GLG1: variants seen among roughly 807,000 people sequenced by gnomAD.
GLG1 encodes the protein Golgi apparatus protein 1.
In GLG1, 38 loss-of-function variants were observed where a neutral mutation model predicts 160.5. The observed-to-expected ratio is 0.24, with a 90% confidence interval of 0.18 to 0.31. The LOEUF (loss-of-function observed/expected upper bound fraction) is 0.31, where lower values mean the gene tolerates loss of function less well. GLG1 is among the 10% of genes least tolerant of loss of function. GLG1 has a pLI of 1.00. For missense variants in GLG1, 1,373 were observed against 1,505.2 expected, an observed-to-expected ratio of 0.91 and a Z score of 1.45; for synonymous variants, 644 against 543.4, an observed-to-expected ratio of 1.19 and a Z score of -2.57.
intron 11 of GLG1, among the ~76,000 whole-genome samples, chr16:74,479,812 G>A (rs117746051): frequency 4.0e-3 from 606 of 152,280 alleles, no homozygotes; most frequent in Non-Finnish European, 6.6e-3. Flanking sequence ...AAGAGACTGA[G>A]GTATGGAGGT....
chr16:74,511,599 A>AAAAG (rs1227811955), intron 2 of GLG1, among the ~76,000 whole-genome samples: 41 of 146,612 alleles, frequency 2.8e-4, no homozygotes, highest in African/African-American at 7.8e-4. Flanking sequence ...AAAAAAAAAA[A>AAAAG]AAAGAAAGAA....
At chr16:74,592,734 TG>T (rs970045858) in intron 1 of GLG1, among the ~76,000 whole-genome samples, 1 of 152,196 alleles carries the variant, frequency 6.6e-6, no homozygotes, top group Non-Finnish European at 1.5e-5. Context: ...TTTACCACAA[TG>T]CTTTTCCTCT....
intron 8 of GLG1, among the ~76,000 whole-genome samples, chr16:74,488,722 C>A (rs1248854342): frequency 6.6e-6 from 1 of 152,034 alleles, no homozygotes; most frequent in Admixed American, 6.5e-5. Flanking sequence ...CAGGTTCAAG[C>A]GATTCTCCTA....
chr16:74,512,156 A>C (rs191004143), intron 2 of GLG1, among the ~76,000 whole-genome samples: 1,832 of 108,150 alleles, frequency 0.017, 35 homozygotes, highest in Non-Finnish European at 0.02. Context: ...CTGGTCTTTT[A>C]TTTCTTTTTT....
At chr16:74,458,146 T>C (rs1470503968) in intron 23 of GLG1, 152 bp from the exon 24 acceptor site, 10 of 625,168 alleles carry the variant, frequency 1.6e-5, no homozygotes, top group Non-Finnish European at 2.3e-5. Flanking sequence ...GTGGTGATGA[T>C]GTACAGAATG....
chr16:74,496,793 C>T, intron 4 of GLG1, 149 bp from the exon 5 acceptor site: 1 of 608,234 alleles, frequency 1.6e-6, no homozygotes, highest in Non-Finnish European at 2.9e-6. Context: ...AACGTTCTAC[C>T]AAGAAATCAA....
chr16:74,465,960 A>T, intron 18 of GLG1, 147 bp from the exon 19 acceptor site: 1 of 756,984 alleles, frequency 1.3e-6, no homozygotes, highest in South Asian at 1.7e-5. Flanking sequence ...TTCCTTACCA[A>T]AGATAAGGAT....
chr16:74,470,598 G>C lies in GLG1; in HGVS notation c.2230-525C>G, dbSNP rs899854331. ...CGAGTAGCTGGGATTACAGGCACCC[G>C]CCATCACGCCAGGCTAATTTTGTAT... is the stretch of plus-strand genomic sequence containing the variant. On this transcript the variant is annotated intron_variant, in intron 15 of 25. Coordinates refer to ENST00000422840, the MANE Select transcript of GLG1 (RefSeq NM_001145667.2). Among the ~76,000 whole-genome samples, 15 of 151,264 alleles carry C rather than the reference G, an allele frequency of 9.9e-5. 2 individuals carry two copies. The highest frequency in any genetic ancestry group is 1.9e-4 in the East Asian group (1 of 5,138).
rs561651338 is a variant in GLG1, at chr16:74,516,412, T to C, written c.472-7487A>G. ...CAGGATTAAGAAACTCACTCAAACT[T>C]GCTCAACTACATGGAAACTGAACAA... On this transcript the variant is annotated intron_variant, in intron 2 of 25. Transcript: ENST00000422840. Among the ~76,000 whole-genome samples, 10 of 149,202 alleles carry C rather than the reference T, an allele frequency of 6.7e-5. No homozygotes were observed. The East Asian group carries it at 1.9e-3, about 29-fold the overall frequency.
At chr16:74,453,594 C>A (rs140422429) in intron 25 of GLG1, among the ~76,000 whole-genome samples, 2 of 152,228 alleles carry the variant, frequency 1.3e-5, no homozygotes, top group Non-Finnish European at 2.9e-5. Flanking sequence ...ACAGTGATCA[C>A]CACTAACACC....
intron 1 of GLG1, among the ~76,000 whole-genome samples, chr16:74,557,246 ATTTG>A (rs1490061072): frequency 1.3e-5 from 2 of 152,126 alleles, no homozygotes; most frequent in East Asian, 1.9e-4. Context: ...ACTATATATG[ATTTG>A]TTTGACTTTT....
chr16:74,526,128 A>G (rs991608915), intron 2 of GLG1, among the ~76,000 whole-genome samples: 1 of 152,270 alleles, frequency 6.6e-6, no homozygotes, highest in African/African-American at 2.4e-5. Flanking sequence ...TATATAAGTA[A>G]CAAACAGTTT....
intron 25 of GLG1, among the ~76,000 whole-genome samples, chr16:74,454,922 G>A (rs2014474492): frequency 1.3e-5 from 2 of 151,510 alleles, no homozygotes; most frequent in Admixed American, 6.6e-5. Flanking sequence ...GGACAACATA[G>A]CCAAGACCTT....
chr16:74,465,480 C>G (rs535368364), intron 19 of GLG1, among the ~76,000 whole-genome samples, 196 bp downstream of exon 19: 1 of 152,172 alleles, frequency 6.6e-6, no homozygotes, highest in Non-Finnish European at 1.5e-5. Context: ...AGACTTCGTG[C>G]TCTACTCCCA....
rs771227537 is a variant in GLG1, at chr16:74,452,016, G to A, written c.*1151C>T. On this transcript the variant is annotated 3_prime_UTR_variant, in exon 26 of 26. Coordinates refer to ENST00000422840, the MANE Select transcript of GLG1 (RefSeq NM_001145667.2). ...CACCCTCTCCACGTAGAGGCACAAAGGAGCTTGTCTGGGAAGTTTGTCTGG... is the reference window on the plus strand; with the variant it reads ...CACCCTCTCCACGTAGAGGCACAAAAGAGCTTGTCTGGGAAGTTTGTCTGG... 2.8e-6 allele frequency: 4 copies of A among 1,416,362 alleles called. No homozygotes were observed. The Admixed American group carries it at 5.0e-5, about 18-fold the overall frequency. 87.7% of individuals were successfully genotyped at this position (1,416,362 alleles called of 1,614,324 possible). A position where few individuals can be genotyped will look rare whatever the true frequency, so the allele number is the denominator to read the frequency against.
chr16:74,550,953 T>C (rs1400620913), intron 1 of GLG1, among the ~76,000 whole-genome samples: 1 of 152,142 alleles, frequency 6.6e-6, no homozygotes, highest in African/African-American at 2.4e-5. Context: ...CTCCAGCCTA[T>C]CAAATAAGCT....
At chr16:74,499,904 G>A (rs912581698) in intron 4 of GLG1, among the ~76,000 whole-genome samples, 1 of 152,166 alleles carries the variant, frequency 6.6e-6, no homozygotes, top group South Asian at 2.1e-4. Flanking sequence ...TCAGGAGGCT[G>A]AGGCAGGAGA....
intron 23 of GLG1, among the ~76,000 whole-genome samples, chr16:74,459,351 G>A (rs572255945): frequency 1.3e-5 from 2 of 152,234 alleles, no homozygotes; most frequent in South Asian, 2.1e-4. Flanking sequence ...GGTGGCGGGC[G>A]CCTATAGTCC....
At chr16:74,601,586 C>G (rs1958441080) in intron 1 of GLG1, among the ~76,000 whole-genome samples, 1 of 152,148 alleles carries the variant, frequency 6.6e-6, no homozygotes, top group African/African-American at 2.4e-5. Flanking sequence ...GGAAATACAA[C>G]TAAATGCTTC....
Sources: gnomAD v4.1 joint callset for allele counts (sites outside exome capture counted in the v4.1 genomes callset) on GRCh38, gnomAD v4.1.1 for gene constraint, MANE v1.5 for transcripts, NCBI Gene and HGNC (gene_info 2026-07-23, HGNC 2026-07-21) for gene names.